KIAA1671: variants seen among roughly 807,000 people sequenced by gnomAD.
The protein encoded by KIAA1671 is uncharacterized protein KIAA1671.
A neutral mutation model predicts 131.2 loss-of-function variants in KIAA1671; 52 were observed. The observed-to-expected ratio is 0.40, with a 90% confidence interval of 0.32 to 0.50. KIAA1671 has a LOEUF of 0.50. Among genes scored for constraint, KIAA1671 ranks in the 20% least tolerant of loss-of-function variants. KIAA1671 has a pLI of 0.73. For missense variants in KIAA1671, 2,360 were observed against 2,364.2 expected (o/e 1.00, Z 0.04); for synonymous variants, 1,003 against 961.6 (o/e 1.04, Z -0.80).
chr22:24,963,295 C>T (rs560309843), intron 1 of KIAA1671, among the ~76,000 whole-genome samples: 1 of 140,270 alleles, frequency 7.1e-6, no homozygotes, highest in Non-Finnish European at 1.5e-5. Flanking sequence ...ACCTGGGAGG[C>T]GGCTCTTGCA....
intron 1 of KIAA1671, among the ~76,000 whole-genome samples, chr22:24,956,996 A>G (rs28721957): frequency 6.6e-6 from 1 of 151,982 alleles, no homozygotes; most frequent in Non-Finnish European, 1.5e-5. Context: ...CGACTTCCCT[A>G]TCTGTAAAAA....
chr22:25,050,286 C>T (rs760587103), intron 6 of KIAA1671: 87 of 152,460 alleles, frequency 5.7e-4, no homozygotes, highest in Non-Finnish European at 1.1e-3. Context: ...TCCAGGGCTT[C>T]GCCACCTCCA....
chr22:25,006,912 A>C (rs1426297002), intron 1 of KIAA1671, among the ~76,000 whole-genome samples: 2 of 152,172 alleles, frequency 1.3e-5, no homozygotes, highest in African/African-American at 4.8e-5. Context: ...TAACTTAATC[A>C]CATCTGCAAA....
chr22:25,187,165 G>A (rs1265410941), intron 11 of KIAA1671, among the ~76,000 whole-genome samples: 1 of 152,122 alleles, frequency 6.6e-6, no homozygotes, highest in African/African-American at 2.4e-5. Context: ...CATCTTTTCC[G>A]ACCCCTCCAG....
intron 6 of KIAA1671, among the ~76,000 whole-genome samples, chr22:25,128,203 T>A (rs766579025): frequency 1.8e-4 from 27 of 152,198 alleles, no homozygotes; most frequent in Admixed American, 4.6e-4. Flanking sequence ...ATCTGCTTTG[T>A]GTGGCAAGAG....
intron 1 of KIAA1671, among the ~76,000 whole-genome samples, chr22:24,972,982 G>A (rs1007014551): frequency 2.0e-5 from 3 of 152,166 alleles, no homozygotes; most frequent in Non-Finnish European, 4.4e-5. Flanking sequence ...AGGAGACAAA[G>A]GGGCCATCTG....
chr22:25,140,104 G>A (rs7290207), intron 6 of KIAA1671, among the ~76,000 whole-genome samples: 10,963 of 152,268 alleles, frequency 0.072, 1,296 homozygotes, highest in African/African-American at 0.25. Flanking sequence ...GTCTCACAAG[G>A]CTGCAATCCG....
chr22:25,068,701 T>G (rs530232542), intron 6 of KIAA1671, among the ~76,000 whole-genome samples: 7 of 152,112 alleles, frequency 4.6e-5, no homozygotes, highest in Non-Finnish European at 1.0e-4. Flanking sequence ...CTCCCAAAGT[T>G]CTGGGATTAC....
chr22:25,099,879 T>C (rs1930578092), intron 6 of KIAA1671, among the ~76,000 whole-genome samples: 1 of 152,178 alleles, frequency 6.6e-6, no homozygotes, highest in South Asian at 2.1e-4. Context: ...CCCATTGGAA[T>C]ATCCATGCCT....
At chr22:25,064,492 C>G (rs1356298582) in intron 6 of KIAA1671, 1 of 152,176 alleles carries the variant, frequency 6.6e-6, no homozygotes, top group African/African-American at 2.4e-5. Flanking sequence ...GAGTGGGGGC[C>G]CAGAGAGATT....
chr22:25,015,910 A>C (rs1475441263), intron 1 of KIAA1671, among the ~76,000 whole-genome samples: 1 of 152,236 alleles, frequency 6.6e-6, no homozygotes, highest in Admixed American at 6.5e-5. Context: ...CACACTCCGT[A>C]CGAAAATGAG....
At chr22:25,181,209 T>A (rs1259994177) in intron 9 of KIAA1671, among the ~76,000 whole-genome samples, 1 of 152,166 alleles carries the variant, frequency 6.6e-6, no homozygotes, top group Admixed American at 6.5e-5. Flanking sequence ...CAGCTCAGCC[T>A]CAAGCACGGG....
At chr22:25,015,800 C>T (rs1925280836) in intron 1 of KIAA1671, among the ~76,000 whole-genome samples, 1 of 151,754 alleles carries the variant, frequency 6.6e-6, no homozygotes, top group Non-Finnish European at 1.5e-5. Context: ...AGCTGTTCCC[C>T]TGGATCCCAG....
intron 6 of KIAA1671, among the ~76,000 whole-genome samples, chr22:25,071,315 C>T (rs1233435954): frequency 6.6e-6 from 1 of 152,174 alleles, no homozygotes; most frequent in Non-Finnish European, 1.5e-5. Flanking sequence ...CCTTCTTGCC[C>T]AGAGAATTTT....
chr22:25,129,521 AC>A (rs775468490), intron 6 of KIAA1671, among the ~76,000 whole-genome samples: 38 of 150,890 alleles, frequency 2.5e-4, no homozygotes, highest in South Asian at 4.2e-4. Flanking sequence ...AAAAAAAAAA[AC>A]CCACAGATTC....
chr22:25,072,863 A>G (rs17668150), intron 6 of KIAA1671, among the ~76,000 whole-genome samples: 17,165 of 152,178 alleles, frequency 0.11, 1,163 homozygotes, highest in Non-Finnish European at 0.15. Context: ...CTAACCAGGA[A>G]TAATTGCAGA....
At chr22:24,983,336 C>T (rs1367778946) in intron 1 of KIAA1671, among the ~76,000 whole-genome samples, 1 of 152,128 alleles carries the variant, frequency 6.6e-6, no homozygotes, top group Non-Finnish European at 1.5e-5. Flanking sequence ...CTTCAGCTTC[C>T]AGTGGCTTCC....
chr22:25,173,596 C>T (rs187402025), intron 7 of KIAA1671, among the ~76,000 whole-genome samples: 6 of 152,034 alleles, frequency 3.9e-5, no homozygotes, highest in African/African-American at 1.4e-4. Flanking sequence ...ACCCCGGAAA[C>T]GTGTAATTAC....
In KIAA1671 at chr22:25,028,658, A is replaced by G; in HGVS notation, c.659A>G (p.Lys220Arg). Residue 220 changes from lysine (K) to arginine (R), a missense_variant, in exon 3 of 13, where the codon AAG (lysine) becomes AGG (arginine). Around this residue, in one of 3 missense-constraint regions of KIAA1671, gnomAD observed 1,185 missense variants for 1,126.2 expected, o/e 1.05. Transcript: ENST00000358431. ...EEAGQDHPPS[K>R]ASSVEDTARP... ...GCAGGCCAAGACCATCCTCCCTCAA[A>G]GGCCAGCAGTGTGGAGGACACGGCA... is the stretch of plus-strand genomic sequence containing the variant. The G allele has an allele frequency of 6.4e-7, 1 of 1,551,212 alleles. No individual in the cohort carries two copies. The highest frequency in any genetic ancestry group is 1.2e-5 in the South Asian group (1 of 84,062).
Sources: allele counts gnomAD v4.1 joint callset (sites outside exome capture counted in the v4.1 genomes callset), GRCh38; gene constraint gnomAD v4.1.1; regional missense constraint gnomAD v4.1.1; transcripts MANE v1.5; gene names NCBI Gene and HGNC (gene_info 2026-07-23, HGNC 2026-07-21).